The following TRIO variants were observed in gnomAD, a reference collection of about 807,000 sequenced individuals.
The protein encoded by TRIO is triple functional domain protein.
TRIO carries 58 observed loss-of-function variants against 351.9 expected under a neutral mutation model. The observed-to-expected ratio is 0.16, with a 90% CI of 0.13 to 0.21. The LOEUF (loss-of-function observed/expected upper bound fraction) is 0.21, where lower values mean the gene tolerates loss of function less well. Among genes scored for constraint, TRIO ranks in the 10% least tolerant of loss-of-function variants. TRIO has a pLI of 1.00. For missense variants in TRIO, 3,201 were observed against 4,027.8 expected (o/e 0.79, Z 5.56); for synonymous variants, 1,758 against 1,595.7 (o/e 1.10, Z -2.42).
intron 46 of TRIO, among the ~76,000 whole-genome samples, chr5:14,483,446 C>G (rs1755679676): frequency 1.3e-5 from 2 of 152,336 alleles, no homozygotes; most frequent in South Asian, 2.1e-4. Context: ...GGGAGATGTA[C>G]TTCCCTTTGG....
At chr5:14,236,268 A>AT (rs2152228482) in intron 1 of TRIO, among the ~76,000 whole-genome samples, 1 of 152,224 alleles carries the variant, frequency 6.6e-6, no homozygotes, top group East Asian at 1.9e-4. Flanking sequence ...TAGTGTTTTC[A>AT]TTTTTTCTAT....
intron 1 of TRIO, among the ~76,000 whole-genome samples, chr5:14,206,397 A>C (rs1009771494): frequency 6.6e-6 from 1 of 151,902 alleles, no homozygotes; most frequent in Non-Finnish European, 1.5e-5. Context: ...ACGTCTTTTT[A>C]AAAAACTAAG....
rs1756565787 is a variant in TRIO, at chr5:14,492,551, A to C, written c.7633-16A>C. 1 of 1,613,268 alleles carries C rather than the reference A, an allele frequency of 6.2e-7. No individual in the cohort carries two copies. The highest frequency in any genetic ancestry group is 8.5e-7 in the Non-Finnish European group (1 of 1,179,376). On this transcript the variant is annotated splice_polypyrimidine_tract_variant and intron_variant, in intron 48 of 56. Coordinates refer to ENST00000344204, the MANE Select transcript of TRIO (RefSeq NM_007118.4). The stretch of plus-strand genomic sequence containing the variant: ...TTCCTCCCTGCCTTTCTCTGTCTTC[A>C]TCTGTCCCTCTGCAGAGTGAAAGCA...
intron 4 of TRIO, among the ~76,000 whole-genome samples, chr5:14,289,396 C>CA (rs1306415177): frequency 6.6e-6 from 1 of 151,818 alleles, no homozygotes; most frequent in Non-Finnish European, 1.5e-5. Context: ...AAAAAACAAA[C>CA]AAACAAAAAT....
chr5:14,322,395 G>A (rs1739967723), intron 9 of TRIO, among the ~76,000 whole-genome samples: 1 of 152,188 alleles, frequency 6.6e-6, no homozygotes, highest in African/African-American at 2.4e-5. Flanking sequence ...GGGAATTTTG[G>A]AAGTGTGAGA....
chr5:14,402,960 T>A (rs1269354288), intron 31 of TRIO, among the ~76,000 whole-genome samples: 1 of 151,776 alleles, frequency 6.6e-6, no homozygotes, highest in Non-Finnish European at 1.5e-5. Flanking sequence ...GGAGATACTT[T>A]AGATTTTAAT....
At chr5:14,214,300 G>A (rs1792096400) in intron 1 of TRIO, among the ~76,000 whole-genome samples, 3 of 152,188 alleles carry the variant, frequency 2.0e-5, no homozygotes, top group Admixed American at 6.5e-5. Context: ...AGGCCCCAAG[G>A]AAGGGTATGC....
intron 21 of TRIO, among the ~76,000 whole-genome samples, chr5:14,386,867 A>C (rs1475945567): frequency 1.3e-5 from 2 of 152,218 alleles, no homozygotes; most frequent in Non-Finnish European, 2.9e-5. Flanking sequence ...CTGACTAGTG[A>C]ATTTTCCTTC....
intron 21 of TRIO, 30 bp from the exon 22 acceptor site, chr5:14,387,408 C>T: frequency 2.5e-6 from 4 of 1,568,744 alleles, no homozygotes; most frequent in Non-Finnish European, 3.5e-6. Context: ...ATTCATTTGC[C>T]TCACAATACT....
At chr5:14,471,192 CAA>C in intron 37 of TRIO, 124 bp from the exon 38 acceptor site, 2 of 1,276,088 alleles carry the variant, frequency 1.6e-6, no homozygotes, top group South Asian at 2.1e-5. Context: ...ATTTCACAAA[CAA>C]AGATTTTATA....
At chr5:14,246,063 C>A (rs1794420321) in intron 1 of TRIO, among the ~76,000 whole-genome samples, 1 of 152,330 alleles carries the variant, frequency 6.6e-6, no homozygotes, top group East Asian at 1.9e-4. Flanking sequence ...CCTTGATTTA[C>A]TTAAATCCCT....
At position 14,345,968 on chromosome 5, in the gene TRIO, A is replaced by G. The variant is rs149882425; in HGVS notation, c.2046+9241A>G. Among the ~76,000 whole-genome samples the G allele has an allele frequency of 6.1e-3, 933 of 152,348 alleles. 8 individuals carry two copies. The highest frequency in any genetic ancestry group is 0.021 in the African/African-American group (881 of 41,576). Reference sequence around the variant, plus strand: ...ACAAGTCTTTGGTGAGGAAAGAGGTAAACTTACCTGTATGTATTTTCGTAT... The same window carrying G: ...ACAAGTCTTTGGTGAGGAAAGAGGTGAACTTACCTGTATGTATTTTCGTAT... On this transcript the variant is annotated intron_variant, in intron 11 of 56. Transcript: ENST00000344204.
At chr5:14,362,809 C>CT (rs1744268788) in intron 13 of TRIO, among the ~76,000 whole-genome samples, 1 of 152,064 alleles carries the variant, frequency 6.6e-6, no homozygotes, top group Non-Finnish European at 1.5e-5. Flanking sequence ...TCCCCTCAGC[C>CT]TTTTTCTCAC....
chr5:14,229,777 A>G (rs1486929824), intron 1 of TRIO, among the ~76,000 whole-genome samples: 2 of 152,226 alleles, frequency 1.3e-5, no homozygotes, highest in South Asian at 2.1e-4. Context: ...TTTAACTCAC[A>G]AAGAAGAAAT....
In TRIO at chr5:14,488,137, G is replaced by C; in HGVS notation, c.7509G>C (p.Pro2503=). ...GCCGACCCGGCTCCTTCACCTTCCC[G>C]GGGGACAGCGACTCCCTCCAGCGGC... ...PASRPGSFTF[P]GDSDSLQRQT... is the part of the protein sequence containing the mutation. The change falls in exon 48 of 57, where the codon CCG becomes CCC. Residue 2503 remains proline (P), a synonymous_variant. Coordinates refer to ENST00000344204, the MANE Select transcript of TRIO (RefSeq NM_007118.4). The C allele has an allele frequency of 6.2e-7, 1 of 1,608,000 alleles. No individual in the cohort carries two copies. Among genetic ancestry groups the C allele is most frequent in the Non-Finnish European group, 8.5e-7 (1 of 1,179,448 alleles).
chr5:14,487,698 C>T lies in TRIO; in HGVS notation c.7070C>T (p.Ala2357Val). 1 of 1,440,926 alleles carries T rather than the reference C, an allele frequency of 6.9e-7. No individual in the cohort carries two copies. Among genetic ancestry groups the T allele is most frequent in the Non-Finnish European group, 9.2e-7 (1 of 1,087,570 alleles). 89.3% of individuals were successfully genotyped at this position (1,440,926 alleles called of 1,614,324 possible). A position where few individuals can be genotyped will look rare whatever the true frequency, so the allele number is the denominator to read the frequency against. The change falls in exon 48 of 57, where the codon GCC (alanine) becomes GTC (valine). Residue 2357 changes from alanine (A) to valine (V), a missense_variant. Coordinates refer to ENST00000344204, the MANE Select transcript of TRIO (RefSeq NM_007118.4). ...CCCCCCGTGCTGGTCTCCTCTGCAG[C>T]CTCGAGCCAGGCAGAGGCAGACAAG... ...HHPPVLVSSA[A>V]SSQAEADKMS...
At chr5:14,309,143 A>G (rs1408477981) in intron 8 of TRIO, among the ~76,000 whole-genome samples, 2 of 138,212 alleles carry the variant, frequency 1.4e-5, no homozygotes, top group African/African-American at 5.5e-5. Context: ...TGCTGTATCT[A>G]TCTGTGTCTA....
At chr5:14,232,246 A>G (rs1310282886) in intron 1 of TRIO, among the ~76,000 whole-genome samples, 1 of 152,150 alleles carries the variant, frequency 6.6e-6, no homozygotes, top group Non-Finnish European at 1.5e-5. Context: ...TCCGTGAGTG[A>G]GGCATGCCCT....
At chr5:14,247,168 G>A (rs921377977) in intron 1 of TRIO, among the ~76,000 whole-genome samples, 4 of 152,220 alleles carry the variant, frequency 2.6e-5, no homozygotes, top group African/African-American at 7.2e-5. Flanking sequence ...CTTTCTTCAC[G>A]TTGGTGTTAG....
Sources: allele counts gnomAD v4.1 joint callset (sites outside exome capture counted in the v4.1 genomes callset), GRCh38; gene constraint gnomAD v4.1.1; transcripts MANE v1.5; gene names NCBI Gene and HGNC (gene_info 2026-07-23, HGNC 2026-07-21).